Variants in FSHR observed in about 807,000 individuals in gnomAD.
The protein encoded by FSHR is follicle stimulating hormone receptor, also known as follicle-stimulating hormone receptor.
Under a neutral mutation model 52.1 loss-of-function variants are expected in FSHR, and 46 were observed. That is an observed-to-expected ratio of 0.88 (90% CI 0.70 to 1.13). FSHR has a LOEUF of 1.13. Among genes scored for constraint, FSHR ranks in the 50% most tolerant of loss-of-function variants. The pLI is 0.00. For missense variants in FSHR, 964 were observed against 834.6 expected, an observed-to-expected ratio of 1.16 and a Z score of -1.91; for synonymous variants, 399 against 309.6, an observed-to-expected ratio of 1.29 and a Z score of -3.03.
intron 1 of FSHR, among the ~76,000 whole-genome samples, chr2:49,121,561 T>C (rs1420968680): frequency 6.6e-6 from 1 of 152,180 alleles, no homozygotes; most frequent in African/African-American, 2.4e-5. Flanking sequence ...AGGTATTCTT[T>C]AGGGGCTTTC....
At chr2:49,145,706 C>G (rs1672845258) in intron 1 of FSHR, among the ~76,000 whole-genome samples, 3 of 152,002 alleles carry the variant, frequency 2.0e-5, no homozygotes. Flanking sequence ...TGTTTGAGTT[C>G]TTTTTTGGCA....
intron 1 of FSHR, among the ~76,000 whole-genome samples, chr2:49,135,590 G>A (rs1415238044): frequency 1.3e-5 from 2 of 152,016 alleles, no homozygotes; most frequent in Admixed American, 6.6e-5. Flanking sequence ...GCAAGCTGAA[G>A]GAAGGAAATA....
intron 4 of FSHR, among the ~76,000 whole-genome samples, chr2:49,013,991 G>A (rs1243909999): frequency 6.6e-6 from 1 of 152,074 alleles, no homozygotes; most frequent in Non-Finnish European, 1.5e-5. Context: ...TACATTGTAA[G>A]GATGCAATGG....
At position 48,989,005 on chromosome 2, in the gene FSHR, C is replaced by T. The variant is rs142383710; in HGVS notation, c.496G>A (p.Val166Met). Residue 166 changes from valine (V) to methionine (M), a missense_variant, in exon 6 of 10, where the codon GTG (valine) becomes ATG (methionine). Transcript: ENST00000406846. ...NIHTIERNSF[V>M]GLSFESVILW... ...ATCACACTTTCAAAGCTCAGCCCCA[C>T]GAAAGAATTTCTTTCAATTGTGTGG... 1.1e-5 allele frequency: 18 copies of T among 1,613,822 alleles called. No individual in the cohort carries two copies. The highest frequency in any genetic ancestry group is 2.2e-5 in the East Asian group (1 of 44,862).
At chr2:49,063,651 G>T (rs910172295) in intron 2 of FSHR, among the ~76,000 whole-genome samples, 2 of 152,062 alleles carry the variant, frequency 1.3e-5, no homozygotes, top group African/African-American at 2.4e-5. Flanking sequence ...GTAGAATAGT[G>T]GTTATTGGAG....
At chr2:49,140,964 C>T (rs1348321585) in intron 1 of FSHR, among the ~76,000 whole-genome samples, 2 of 152,208 alleles carry the variant, frequency 1.3e-5, no homozygotes, top group East Asian at 1.9e-4. Context: ...AGATCAGCTA[C>T]TCAACCTGCT....
intron 1 of FSHR, among the ~76,000 whole-genome samples, chr2:49,125,530 T>C (rs1009897061): frequency 6.6e-6 from 1 of 152,368 alleles, no homozygotes; most frequent in Admixed American, 6.5e-5. Context: ...TGATCACCTC[T>C]TCCTGCAGTC....
rs116597528 is a variant in FSHR, at chr2:49,081,406, G to A, written c.153-13116C>T. ...GTGTTAAGATTTGGCAAAGCTAAGT[G>A]GTGTCTTATGGGCATTTATTATAAT... On this transcript the variant is annotated intron_variant, in intron 1 of 9. Coordinates refer to ENST00000406846, the MANE Select transcript of FSHR (RefSeq NM_000145.4). Among the ~76,000 whole-genome samples the A allele has an allele frequency of 1.3e-3, 205 of 151,982 alleles. 1 individual carries two copies. The highest frequency in any genetic ancestry group is 4.9e-3 in the African/African-American group (202 of 41,480).
At chr2:48,984,615 A>T (rs1391829775) in intron 6 of FSHR, among the ~76,000 whole-genome samples, 1 of 151,810 alleles carries the variant, frequency 6.6e-6, no homozygotes, top group East Asian at 1.9e-4. Flanking sequence ...TAGGCCTAAT[A>T]TTGAGAAGAG....
At chr2:49,060,294 A>G (rs748680346) in intron 2 of FSHR, among the ~76,000 whole-genome samples, 14 of 152,230 alleles carry the variant, frequency 9.2e-5, no homozygotes, top group Non-Finnish European at 1.5e-4. Context: ...TATTCAAAAC[A>G]CTGCAAATAC....
intron 1 of FSHR, among the ~76,000 whole-genome samples, chr2:49,129,640 TG>T (rs1031371143): frequency 3.3e-5 from 5 of 152,170 alleles, no homozygotes; most frequent in South Asian, 2.1e-4. Flanking sequence ...CATCACTGAC[TG>T]GGGGCTCCAA....
chr2:48,981,585 C>T (rs145096168), intron 8 of FSHR, among the ~76,000 whole-genome samples: 23 of 152,222 alleles, frequency 1.5e-4, no homozygotes, highest in African/African-American at 5.3e-4. Context: ...CAGGCATTCT[C>T]GAATAATCTT....
chr2:49,126,326 G>A (rs75865974), intron 1 of FSHR, among the ~76,000 whole-genome samples: 535 of 2,616 alleles, frequency 0.2, 2 homozygotes, highest in Middle Eastern at 0.25. Context: ...AAAGGAAGAG[G>A]GGGGGAGAGA....
chr2:49,096,584 T>C (rs1403164221), intron 1 of FSHR, among the ~76,000 whole-genome samples: 2 of 152,214 alleles, frequency 1.3e-5, no homozygotes, highest in Non-Finnish European at 2.9e-5. Flanking sequence ...AATTGTTCAC[T>C]TAAAAAGAGT....
intron 1 of FSHR, among the ~76,000 whole-genome samples, chr2:49,144,782 G>T (rs1014331655): frequency 6.6e-6 from 1 of 152,050 alleles, no homozygotes; most frequent in Non-Finnish European, 1.5e-5. Flanking sequence ...TTGACTGTGG[G>T]TACCTGCTCA....
chr2:49,020,120 C>T lies in FSHR; in HGVS notation c.265G>A (p.Asp89Asn). Residue 89 changes from aspartate to asparagine, a missense_variant, in exon 3 of 10, where the codon GAT becomes AAT. Physicochemically the swap from Asp to Asn is conservative, Grantham distance 23. Coordinates refer to ENST00000406846, the MANE Select transcript of FSHR (RefSeq NM_000145.4). ...AATTTGGGAAGGTTGGAGAACACAT[C>T]TGCCTCTATCACCTCCAAGACATCA... ...QNDVLEVIEA[D>N]VFSNLPKLHE... 2 of 1,613,838 alleles carry T rather than the reference C, an allele frequency of 1.2e-6. No homozygotes were observed. Among genetic ancestry groups the T allele is most frequent in the Non-Finnish European group, 1.7e-6 (2 of 1,179,754 alleles).
chr2:48,970,020 T>C (rs990209243), intron 8 of FSHR, among the ~76,000 whole-genome samples: 2 of 152,184 alleles, frequency 1.3e-5, no homozygotes, highest in African/African-American at 4.8e-5. Context: ...CCCTTGGATA[T>C]ACTTGAGTAA....
chr2:48,990,481 A>C, intron 5 of FSHR, 85 bp downstream of exon 5: 1 of 882,798 alleles, frequency 1.1e-6, no homozygotes, highest in Non-Finnish European at 1.9e-6. Context: ...TGTAGACTAC[A>C]CAATGCATAT....
At chr2:49,150,135 G>A (rs1049761406) in intron 1 of FSHR, among the ~76,000 whole-genome samples, 1 of 151,982 alleles carries the variant, frequency 6.6e-6, no homozygotes, top group African/African-American at 2.4e-5. Context: ...GCCTCTAGGT[G>A]AAGCTGAGTT....
Sources: gnomAD v4.1 joint callset for allele counts (sites outside exome capture counted in the v4.1 genomes callset) on GRCh38, gnomAD v4.1.1 for gene constraint, MANE v1.5 for transcripts, NCBI Gene and HGNC (gene_info 2026-07-23, HGNC 2026-07-21) for gene names.